The following MYT1 variants were observed in gnomAD, a reference collection of about 807,000 sequenced individuals.
MYT1 encodes myelin transcription factor I.
Under a neutral mutation model 123.0 loss-of-function variants are expected in MYT1, and 23 were observed. The ratio of observed to expected loss-of-function variants is 0.19; its 90% CI spans 0.13 to 0.26. MYT1 has a LOEUF of 0.26. MYT1 is among the 10% of genes least tolerant of loss of function. The pLI, the probability that MYT1 is intolerant of heterozygous loss-of-function variation, is 1.00. For synonymous variants in MYT1, 518 were observed against 575.3 expected (o/e 0.90, Z 1.43); for missense variants, 1,125 against 1,472.5 (o/e 0.76, Z 3.86).
At chr20:64,204,703 G>A (rs1233628288) in intron 4 of MYT1, among the ~76,000 whole-genome samples, 3 of 152,210 alleles carry the variant, frequency 2.0e-5, no homozygotes, top group Non-Finnish European at 2.9e-5. Flanking sequence ...GAGGGGTGCC[G>A]TGTTCAGGGC....
chr20:64,227,285 C>A, intron 16 of MYT1, 130 bp from the exon 17 acceptor site: 5 of 736,492 alleles, frequency 6.8e-6, no homozygotes, highest in South Asian at 5.5e-5. Context: ...TGCTCCTCTG[C>A]GGACAAGGGA....
Position 64,223,100 on chromosome 20 carries a change from C to T in MYT1, c.2397-11C>T. 2 of 1,614,138 alleles carry T rather than the reference C, an allele frequency of 1.2e-6. No individual in the cohort carries two copies. Among genetic ancestry groups the T allele is most frequent in the Non-Finnish European group, 8.5e-7 (1 of 1,179,992 alleles). ...CACTCTCCGGTCTGACACTCTTTTT[C>T]CTTTGTCCAGCTGTCCCACCCCTGG... is the stretch of plus-strand genomic sequence containing the variant. On this transcript the variant is annotated splice_polypyrimidine_tract_variant and intron_variant, in intron 14 of 22. Coordinates refer to ENST00000328439, the MANE Select transcript of MYT1 (RefSeq NM_004535.3).
At chr20:64,216,172 T>A (rs992414708) in intron 10 of MYT1, among the ~76,000 whole-genome samples, 4 of 152,186 alleles carry the variant, frequency 2.6e-5, no homozygotes, top group Non-Finnish European at 5.9e-5. Context: ...AGCTCCTTCT[T>A]AATTCCACTG....
chr20:64,201,763 C>T (rs78859966), intron 4 of MYT1, among the ~76,000 whole-genome samples: 12,984 of 152,248 alleles, frequency 0.085, 716 homozygotes, highest in Middle Eastern at 0.19. Flanking sequence ...GGGGCCACAC[C>T]GTGGGTACCA....
chr20:64,179,204 G>A (rs1444479319), intron 1 of MYT1, among the ~76,000 whole-genome samples: 1 of 151,158 alleles, frequency 6.6e-6, no homozygotes, highest in African/African-American at 2.4e-5. Context: ...TTCAACGTGG[G>A]AGCACTGAGC....
rs1601716455 is a variant in MYT1 at position 64,213,775 on chromosome 20, G to A, written c.1631+128G>A. 1.0e-5 allele frequency: 8 copies of A among 773,674 alleles called. No individual in the cohort carries two copies. The highest frequency in any genetic ancestry group is 5.3e-5 in the East Asian group (2 of 37,818). 47.9% of individuals were successfully genotyped at this position (773,674 alleles called of 1,614,324 possible). A position where few individuals can be genotyped will look rare whatever the true frequency, so the allele number is the denominator to read the frequency against. On this transcript the variant is annotated intron_variant, in intron 10 of 22. Coordinates refer to ENST00000328439, the MANE Select transcript of MYT1 (RefSeq NM_004535.3). This position sits in a 1 kb window ranked among gnomAD's most constrained non-coding sequence, Gnocchi z 5.6. Reference sequence around the variant, plus strand: ...TGTGTGAGTGTACGTGCATGTGAGTGTACGTGCATGTGAGTGTGCACATGC... The same window carrying A: ...TGTGTGAGTGTACGTGCATGTGAGTATACGTGCATGTGAGTGTGCACATGC...
intron 16 of MYT1, among the ~76,000 whole-genome samples, chr20:64,224,442 T>C (rs1255261062): frequency 6.6e-6 from 1 of 152,184 alleles, no homozygotes; most frequent in African/African-American, 2.4e-5. Flanking sequence ...GCCTTGTCTC[T>C]GTTCCCCTCT....
chr20:64,177,378 AG>A (rs1191410052), intron 1 of MYT1, among the ~76,000 whole-genome samples: 2 of 150,554 alleles, frequency 1.3e-5, no homozygotes, highest in Admixed American at 6.6e-5. Context: ...GATTCCAGAG[AG>A]GAAAAAAAAA....
chr20:64,167,400 C>T lies in MYT1; in HGVS notation c.-99+2661C>T, dbSNP rs992568113. On this transcript the variant is annotated intron_variant, in intron 1 of 22. Transcript: ENST00000328439. The surrounding 1 kb of genome is among the most constrained non-coding windows in gnomAD (Gnocchi z 6.3). ...TCGGGGCTCAGGGTGGGGATGAGACCGGGAACAACCAGAACACTTTGGTCA... is the reference window on the plus strand; with the variant it reads ...TCGGGGCTCAGGGTGGGGATGAGACTGGGAACAACCAGAACACTTTGGTCA... Among the ~76,000 whole-genome samples, 4 of 152,078 alleles carry T rather than the reference C, an allele frequency of 2.6e-5. No homozygotes were observed. Among genetic ancestry groups the T allele is most frequent in the Non-Finnish European group, 4.4e-5 (3 of 68,020 alleles).
Position 64,208,503 on chromosome 20 carries a change from G to T in MYT1, c.1291+16G>T. 1 of 1,571,046 alleles carries T rather than the reference G, an allele frequency of 6.4e-7. No homozygotes were observed. The highest frequency in any genetic ancestry group is 8.7e-7 in the Non-Finnish European group (1 of 1,155,594). ...TACAGTAAAGGTAGGGCTCAGGGGT[G>T]GCCTGGCCCTGCAGACTCATCCTTT... On this transcript the variant is annotated intron_variant, in intron 7 of 22. Transcript: ENST00000328439. The surrounding 1 kb of genome is among the most constrained non-coding windows in gnomAD (Gnocchi z 5.4).
chr20:64,216,467 C>T (rs1308490349), intron 10 of MYT1, among the ~76,000 whole-genome samples: 1 of 152,216 alleles, frequency 6.6e-6, no homozygotes, highest in African/African-American at 2.4e-5. Context: ...CTGACCCTTC[C>T]AACAGTTCCT....
At chr20:64,225,854 G>GC (rs796066766) in intron 16 of MYT1, among the ~76,000 whole-genome samples, 22 of 152,190 alleles carry the variant, frequency 1.4e-4, no homozygotes, top group African/African-American at 4.3e-4. Flanking sequence ...CTGCAGGATG[G>GC]CCCCCCCTGT....
chr20:64,240,524 C>T lies in MYT1; in HGVS notation c.*76C>T, dbSNP rs80330664. The stretch of plus-strand genomic sequence containing the variant: ...CGCCCTGCCCCGCACCGTGGGGATG[C>T]CCAACTCACAGTGACTTCCCGTTTG... On this transcript the variant is annotated 3_prime_UTR_variant, in exon 23 of 23. Transcript: ENST00000328439. 13,498 of 1,497,154 alleles carry T rather than the reference C, an allele frequency of 9.0e-3. 879 individuals are homozygous for T. The African/African-American group carries it at 0.15, about 17-fold the overall frequency. 92.7% of individuals were successfully genotyped at this position (1,497,154 alleles called of 1,614,324 possible).
chr20:64,215,477 C>T (rs1007481993), intron 10 of MYT1, among the ~76,000 whole-genome samples: 4 of 152,108 alleles, frequency 2.6e-5, no homozygotes, highest in South Asian at 2.1e-4. Context: ...GGTGTGAGGA[C>T]GGGCTTTGCA....
Position 64,213,498 on chromosome 20 carries a change from G to A in MYT1, c.1518-36G>A, listed in dbSNP as rs749073421. On this transcript the variant is annotated intron_variant, in intron 9 of 22. Transcript: ENST00000328439. The surrounding 1 kb of genome is among the most constrained non-coding windows in gnomAD (Gnocchi z 5.6). ...ACCCAGGACAGGACAGGCATGGAGG[G>A]GAAGGCTCAGAAACCCCTCCTCTTC... 7 of 1,554,376 alleles carry A rather than the reference G, an allele frequency of 4.5e-6. No individual in the cohort carries two copies. The highest frequency in any genetic ancestry group is 4.1e-5 in the African/African-American group (3 of 73,614).
chr20:64,180,143 G>A (rs183576077), intron 1 of MYT1, among the ~76,000 whole-genome samples: 227 of 149,768 alleles, frequency 1.5e-3, no homozygotes, highest in South Asian at 3.0e-3. Flanking sequence ...CTACACACAC[G>A]CTACACACAG....
chr20:64,205,241 C>T lies in MYT1; in HGVS notation c.149+144C>T, dbSNP rs1228889363. The T allele has an allele frequency of 1.5e-5, 15 of 1,026,356 alleles. No homozygotes were observed. In the South Asian group the frequency reaches 2.3e-4, roughly 15 times the overall value. The allele number at this position is 1,026,356 out of a possible 1,614,324, so 63.6% of individuals were successfully genotyped here. On this transcript the variant is annotated intron_variant, in intron 5 of 22. Coordinates refer to ENST00000328439, the MANE Select transcript of MYT1 (RefSeq NM_004535.3). ...CCTTCTGCGAGGCAGCGACCTCCCA[C>T]TCTAGCGTGGAGATCTGTGTGGCCA...
In MYT1 at chr20:64,191,262, C is replaced by T. The variant is rs1323283991; in HGVS notation, c.-1+1102C>T. On this transcript the variant is annotated intron_variant, in intron 2 of 22. Coordinates refer to ENST00000328439, the MANE Select transcript of MYT1 (RefSeq NM_004535.3). This position sits in a 1 kb window ranked among gnomAD's most constrained non-coding sequence, Gnocchi z 4.1. ...ATACCTTCCCAGGGTATAAGATCTC[C>T]CTTCGGGGACACTCCCGAACTGTGA... 6.6e-6 allele frequency among the ~76,000 whole-genome samples: 1 copy of T among 152,180 alleles called. No individual in the cohort carries two copies. The highest frequency in any genetic ancestry group is 2.4e-5 in the African/African-American group (1 of 41,432).
chr20:64,234,748 T>TGACCCGGGGCTGGCCGTGGTATGC (rs1438468853), intron 19 of MYT1, among the ~76,000 whole-genome samples: 1 of 144,222 alleles, frequency 6.9e-6, no homozygotes, highest in African/African-American at 2.6e-5. Context: ...CCGTGGTATG[T>TGACCCGGGGCTGGCCGTGGTATGC]GACCCGGGGC....
Sources: allele counts gnomAD v4.1 joint callset (sites outside exome capture counted in the v4.1 genomes callset), GRCh38; gene constraint gnomAD v4.1.1; non-coding constraint Gnocchi (gnomAD v3.1); transcripts MANE v1.5; gene names NCBI Gene and HGNC (gene_info 2026-07-23, HGNC 2026-07-21).